Variants in MGAM observed in about 807,000 individuals in gnomAD.
The protein encoded by MGAM is maltase-glucoamylase, also known as alpha-1,4-glucosidase.
In MGAM, 253 loss-of-function variants were observed where a neutral mutation model predicts 358.8. The ratio of observed to expected loss-of-function variants is 0.71; its 90% CI spans 0.64 to 0.78. MGAM has a LOEUF of 0.78. Ranked by LOEUF, MGAM falls within the 30% of genes least tolerant of loss-of-function variation. MGAM has a pLI of 0.00. For synonymous variants in MGAM, 1,105 were observed against 1,227.1 expected (o/e 0.90, Z 2.08); for missense variants, 3,080 against 3,432.6 (o/e 0.90, Z 2.57).
In MGAM at chr7:142,080,780, C is replaced by T; in HGVS notation, c.5848-11C>T. On this transcript the variant is annotated splice_polypyrimidine_tract_variant and intron_variant, in intron 49 of 70. Coordinates refer to ENST00000475668, the MANE Select transcript of MGAM (RefSeq NM_001365693.1). ...AGTATTCTTGCCTAAAATCGTTTTC[C>T]TCTGGCCTAGATTTATGATCCCAAC... is the stretch of plus-strand genomic sequence containing the variant. 6.5e-7 allele frequency: 1 copy of T among 1,546,022 alleles called. No homozygotes were observed. Among genetic ancestry groups the T allele is most frequent in the Non-Finnish European group, 8.9e-7 (1 of 1,126,494 alleles).
At chr7:142,005,184 C>A (rs1805050786) in intron 1 of MGAM, among the ~76,000 whole-genome samples, 1 of 151,536 alleles carries the variant, frequency 6.6e-6, no homozygotes, top group South Asian at 2.1e-4. Context: ...TTTTAAAATT[C>A]ACTAGATATT....
chr7:142,046,567 A>G (rs1244000316), intron 21 of MGAM, among the ~76,000 whole-genome samples: 2 of 152,038 alleles, frequency 1.3e-5, no homozygotes, highest in East Asian at 1.9e-4. Flanking sequence ...TAACCTTGCT[A>G]TGGGAATTTG....
intron 3 of MGAM, among the ~76,000 whole-genome samples, chr7:142,012,548 C>G (rs1329082275): frequency 6.6e-6 from 1 of 152,170 alleles, no homozygotes; most frequent in Non-Finnish European, 1.5e-5. Flanking sequence ...TCTAAGTCTT[C>G]TATTTTCTTA....
intron 3 of MGAM, among the ~76,000 whole-genome samples, chr7:142,010,137 G>A (rs781980465): frequency 2.0e-5 from 3 of 152,114 alleles, no homozygotes; most frequent in Non-Finnish European, 2.9e-5. Context: ...AGTACAGGAG[G>A]AAGTACTGTA....
rs1325512706 is a variant in MGAM at position 142,101,024 on chromosome 7, G to T, written c.7963+134G>T. 6.2e-6 allele frequency: 5 copies of T among 806,820 alleles called. No homozygotes were observed. In the South Asian group the frequency reaches 7.4e-5, roughly 12 times the overall value. The allele number at this position is 806,820 out of a possible 1,614,324, so 50.0% of individuals were successfully genotyped here. A position where few individuals can be genotyped will look rare whatever the true frequency, so the allele number is the denominator to read the frequency against. On this transcript the variant is annotated intron_variant, in intron 68 of 70. Transcript: ENST00000475668. Reference sequence around the variant, plus strand: ...AATATAATCATTTGTTAATTCAAGGGTATAATCCATATTGGACATGATCTT... The same window carrying T: ...AATATAATCATTTGTTAATTCAAGGTTATAATCCATATTGGACATGATCTT...
rs141064014 is a variant in MGAM at position 142,036,473 on chromosome 7, G to A, written c.2076+188G>A. The stretch of plus-strand genomic sequence containing the variant: ...TCGAAATGCCCAACGGCCTCAGCCT[G>A]TTATTTACTGTTGCATTCAAGGAAA... On this transcript the variant is annotated intron_variant, in intron 17 of 70. Transcript: ENST00000475668. Among the ~76,000 whole-genome samples the A allele has an allele frequency of 6.4e-3, 967 of 152,234 alleles. 19 individuals carry two copies. Among genetic ancestry groups the A allele is most frequent in the Middle Eastern group, 0.031 (9 of 294 alleles).
chr7:141,993,579 A>T (rs1804035370), upstream of MGAM, among the ~76,000 whole-genome samples: 1 of 152,216 alleles, frequency 6.6e-6, no homozygotes, highest in Non-Finnish European at 1.5e-5. Flanking sequence ...AGGTCCACTT[A>T]GTAACAGAGC....
intron 21 of MGAM, among the ~76,000 whole-genome samples, chr7:142,045,178 A>AACATATATGATATAATATATATTATAT (rs1809940375): frequency 1.8e-5 from 1 of 55,526 alleles, no homozygotes; most frequent in Non-Finnish European, 3.3e-5. Flanking sequence ...TATATTATAT[A>AACATATATGATATAATATATATTATAT]ACATATATGA....
chr7:142,041,928 AATATATATATTATATATATAC>A (rs1247536433), intron 21 of MGAM, among the ~76,000 whole-genome samples: 20 of 16,428 alleles, frequency 1.2e-3, no homozygotes, highest in Non-Finnish European at 1.7e-3. Context: ...TATAATATAT[AATATATATATTATATATATAC>A]ATATATATAA....
At position 142,038,659 on chromosome 7, in the gene MGAM, A is replaced by G. The variant is rs548051835; in HGVS notation, c.2316+44A>G. 5 of 1,418,620 alleles carry G rather than the reference A, an allele frequency of 3.5e-6. No homozygotes were observed. In the African/African-American group the frequency reaches 5.7e-5, roughly 16 times the overall value. 87.9% of individuals were successfully genotyped at this position (1,418,620 alleles called of 1,614,324 possible). A position where few individuals can be genotyped will look rare whatever the true frequency, so the allele number is the denominator to read the frequency against. On this transcript the variant is annotated intron_variant, in intron 19 of 70. Coordinates refer to ENST00000475668, the MANE Select transcript of MGAM (RefSeq NM_001365693.1). ...ATACACTAGAGATCTCTGCATCTGTATCTGCTGCCCTGCAAACTCCTCTCT... is the reference window on the plus strand; with the variant it reads ...ATACACTAGAGATCTCTGCATCTGTGTCTGCTGCCCTGCAAACTCCTCTCT...
intron 26 of MGAM, 113 bp downstream of exon 26, chr7:142,053,097 A>G (rs1811173850): frequency 4.3e-6 from 5 of 1,173,906 alleles, no homozygotes; most frequent in East Asian, 5.1e-5. Context: ...AACAGACTAT[A>G]TCATTATCCA....
intron 21 of MGAM, among the ~76,000 whole-genome samples, chr7:142,041,794 G>C (rs577327632): frequency 1.4e-5 from 2 of 142,996 alleles, no homozygotes; most frequent in Admixed American, 1.5e-4. Flanking sequence ...TTACATTTCA[G>C]CAGCAAGAAA....
chr7:142,070,650 G>A (rs1413434469), intron 43 of MGAM, among the ~76,000 whole-genome samples: 1 of 145,778 alleles, frequency 6.9e-6, no homozygotes, highest in East Asian at 2.0e-4. Flanking sequence ...TCTCAATAGT[G>A]CTGAGACTGA....
chr7:142,033,052 A>G, intron 14 of MGAM, 143 bp downstream of exon 14: 1 of 535,232 alleles, frequency 1.9e-6, no homozygotes. Context: ...ATATAAGGAA[A>G]ACTAGGAAGG....
intron 45 of MGAM, 34 bp from the exon 46 acceptor site, chr7:142,076,169 G>T (rs778892339): frequency 1.3e-6 from 2 of 1,495,552 alleles, no homozygotes; most frequent in East Asian, 4.6e-5. Context: ...TGGTGGGCAA[G>T]CCGGAGTCTG....
intron 3 of MGAM, among the ~76,000 whole-genome samples, chr7:142,016,926 G>A (rs17635392): frequency 0.43 from 64,929 of 152,052 alleles, 15,154 homozygotes; most frequent in East Asian, 0.64. Context: ...TTTACTTTCA[G>A]GGCTTTTGTG....
chr7:142,019,360 C>T (rs1563117361), intron 4 of MGAM, 41 bp downstream of exon 4: 2 of 1,601,458 alleles, frequency 1.2e-6, no homozygotes, highest in Non-Finnish European at 8.5e-7. Flanking sequence ...TCCAGACCCT[C>T]TGGAGGTTGA....
chr7:142,064,484 C>A lies in MGAM; in HGVS notation c.4446C>A (p.His1482Gln). 1 of 1,583,236 alleles carries A rather than the reference C, an allele frequency of 6.3e-7. No homozygotes were observed. Among genetic ancestry groups the A allele is most frequent in the Non-Finnish European group, 8.6e-7 (1 of 1,164,530 alleles). Residue 1482 changes from histidine to glutamine, a missense_variant, in exon 37 of 71, where the codon CAC becomes CAA. By Grantham distance (24) the His-to-Gln change is conservative. Coordinates refer to ENST00000475668, the MANE Select transcript of MGAM (RefSeq NM_001365693.1). The stretch of plus-strand genomic sequence containing the variant: ...CCCTGGTGCAGCACTACAACGTGCA[C>A]AACCTGTATGGGTGGTCCCAGACCA... ...DGSLVQHYNV[H>Q]NLYGWSQTRP...
chr7:142,030,172 G>A, intron 10 of MGAM, 190 bp from the exon 11 acceptor site: 1 of 617,422 alleles, frequency 1.6e-6, no homozygotes, highest in Non-Finnish European at 2.7e-6. Flanking sequence ...CAAGCCCTAG[G>A]GAACCAACCA....
Sources: allele counts gnomAD v4.1 joint callset (sites outside exome capture counted in the v4.1 genomes callset), GRCh38; gene constraint gnomAD v4.1.1; transcripts MANE v1.5; gene names NCBI Gene and HGNC (gene_info 2026-07-23, HGNC 2026-07-21).